Variants in MYO3B observed in about 807,000 individuals in gnomAD.
The protein encoded by MYO3B is myosin-IIIb.
MYO3B carries 156 observed loss-of-function variants against 174.6 expected under a neutral mutation model. That is an observed-to-expected ratio of 0.89 (90% CI 0.78 to 1.02). The LOEUF (loss-of-function observed/expected upper bound fraction) is 1.02, where lower values mean the gene tolerates loss of function less well. Ranked by LOEUF, MYO3B falls within the 50% of genes least tolerant of loss-of-function variation. The pLI is 0.00. For synonymous variants in MYO3B, 563 were observed against 569.1 expected (o/e 0.99, Z 0.15); for missense variants, 1,632 against 1,639.4 (o/e 1.00, Z 0.08).
At chr2:170,196,455 A>G (rs1477185315) in intron 1 of MYO3B, among the ~76,000 whole-genome samples, 2 of 152,188 alleles carry the variant, frequency 1.3e-5, no homozygotes, top group African/African-American at 4.8e-5. Flanking sequence ...GGTTGAGGCT[A>G]CAGGGGGTGG....
intron 28 of MYO3B, 91 bp downstream of exon 28, chr2:170,501,956 A>C (rs1687300672): frequency 2.2e-6 from 2 of 891,960 alleles, no homozygotes. Flanking sequence ...TTAATAATTC[A>C]GGAGCACTGG....
intron 7 of MYO3B, among the ~76,000 whole-genome samples, chr2:170,311,011 C>T (rs1407666912): frequency 6.6e-6 from 1 of 152,028 alleles, no homozygotes; most frequent in East Asian, 1.9e-4. Context: ...GGTTGCGGGG[C>T]CTTAGAATTT....
At chr2:170,639,914 T>C (rs1697833405) in intron 32 of MYO3B, among the ~76,000 whole-genome samples, 1 of 152,188 alleles carries the variant, frequency 6.6e-6, no homozygotes, top group Admixed American at 6.5e-5. Flanking sequence ...TATGTCTACT[T>C]TGGGCTCAAG....
At chr2:170,571,555 G>A (rs777506217) in intron 32 of MYO3B, among the ~76,000 whole-genome samples, 1 of 152,144 alleles carries the variant, frequency 6.6e-6, no homozygotes, top group Non-Finnish European at 1.5e-5. Context: ...AGTAAGCAGA[G>A]GCATGACATG....
chr2:170,283,104 C>T (rs150542169), intron 7 of MYO3B, among the ~76,000 whole-genome samples: 4 of 152,272 alleles, frequency 2.6e-5, no homozygotes, highest in Non-Finnish European at 5.9e-5. Flanking sequence ...CTCTCAAAAT[C>T]GTGCTGTGCT....
chr2:170,553,142 G>A (rs961293671), intron 32 of MYO3B, among the ~76,000 whole-genome samples: 1 of 152,154 alleles, frequency 6.6e-6, no homozygotes, highest in Non-Finnish European at 1.5e-5. Flanking sequence ...GGAGAAATGT[G>A]GGGTTGGAGC....
intron 32 of MYO3B, among the ~76,000 whole-genome samples, chr2:170,613,378 AC>A (rs1197396462): frequency 6.6e-6 from 1 of 152,146 alleles, no homozygotes; most frequent in East Asian, 1.9e-4. Flanking sequence ...TCTGACGCAC[AC>A]CTCAGTCCTT....
intron 25 of MYO3B, among the ~76,000 whole-genome samples, chr2:170,478,259 T>C (rs1335017428): frequency 1.3e-5 from 2 of 151,456 alleles, no homozygotes; most frequent in Non-Finnish European, 2.9e-5. Context: ...GAGAAGTGAG[T>C]GTGGAAATGG....
Position 170,602,016 on chromosome 2 carries a change from A to AT in MYO3B, c.3734-49611dup, listed in dbSNP as rs796277475. 52 of 913,114 alleles carry AT rather than the reference A, an allele frequency of 5.7e-5. No homozygotes were observed. The South Asian group carries it at 6.2e-4, about 11-fold the overall frequency. The allele number at this position is 913,114 out of a possible 1,614,324, so 56.6% of individuals were successfully genotyped here. On this transcript the variant is annotated intron_variant, in intron 32 of 34. Transcript: ENST00000408978. The stretch of plus-strand genomic sequence containing the variant: ...GGATATAGGTTTTCATTTCTCTTTC[A>AT]TAACGGTCTTTGTCCACCTTTGCCA...
Position 170,432,580 on chromosome 2 carries a change from T to A in MYO3B, c.2651-11387T>A, listed in dbSNP as rs954049412. 9.4e-5 allele frequency among the ~76,000 whole-genome samples: 13 copies of A among 138,678 alleles called. No homozygotes were observed. The South Asian group carries it at 1.1e-3, about 12-fold the overall frequency. The allele number at this position is 138,678 out of a possible 152,430, so 91.0% of individuals were successfully genotyped here. On this transcript the variant is annotated intron_variant, in intron 22 of 34. Coordinates refer to ENST00000408978, the MANE Select transcript of MYO3B (RefSeq NM_138995.5). ...AATTTATTATTTAAAAAAAAAGAAA[T>A]TTTTTTTTTTTTTTGAGACGGAGTC... is the stretch of plus-strand genomic sequence containing the variant.
chr2:170,625,199 AC>A (rs1696304237), intron 32 of MYO3B, among the ~76,000 whole-genome samples: 1 of 152,124 alleles, frequency 6.6e-6, no homozygotes, highest in Non-Finnish European at 1.5e-5. Context: ...CTGGTCCTGG[AC>A]TTTTTTTGGT....
At chr2:170,283,692 G>A (rs2093531554) in intron 7 of MYO3B, among the ~76,000 whole-genome samples, 1 of 152,078 alleles carries the variant, frequency 6.6e-6, no homozygotes, top group Non-Finnish European at 1.5e-5. Context: ...TCTCTTCCTA[G>A]ATTGGAAGAT....
chr2:170,443,369 TC>T (rs1346766599), intron 22 of MYO3B, among the ~76,000 whole-genome samples: 1 of 152,200 alleles, frequency 6.6e-6, no homozygotes, highest in African/African-American at 2.4e-5. Flanking sequence ...AAATTTAAGT[TC>T]TTTATAGATT....
Position 170,524,837 on chromosome 2 carries a change from A to G in MYO3B, c.3575+5297A>G, listed in dbSNP as rs145469824. Among the ~76,000 whole-genome samples the G allele has an allele frequency of 5.9e-5, 9 of 152,294 alleles. No homozygotes were observed. The East Asian group carries it at 1.7e-3, about 29-fold the overall frequency. The stretch of plus-strand genomic sequence containing the variant: ...CTGTTCAACCTTATGGGAAAGGTAT[A>G]GATTTTACAATCTCTGACATTGAGA... On this transcript the variant is annotated intron_variant, in intron 30 of 34. Coordinates refer to ENST00000408978, the MANE Select transcript of MYO3B (RefSeq NM_138995.5).
intron 32 of MYO3B, among the ~76,000 whole-genome samples, chr2:170,615,198 T>C (rs1695376361): frequency 6.6e-6 from 1 of 152,168 alleles, no homozygotes; most frequent in African/African-American, 2.4e-5. Context: ...AGACGTATCT[T>C]CCTCCCTCAC....
intron 7 of MYO3B, among the ~76,000 whole-genome samples, chr2:170,276,156 C>T (rs2093462605): frequency 6.6e-6 from 1 of 152,156 alleles, no homozygotes. Context: ...ATCAATTTCC[C>T]ACCTATACCC....
intron 32 of MYO3B, among the ~76,000 whole-genome samples, chr2:170,545,676 T>G (rs989726998): frequency 6.6e-6 from 1 of 152,240 alleles, no homozygotes; most frequent in Non-Finnish European, 1.5e-5. Context: ...ATTAATAAGT[T>G]ACACATCTGA....
intron 32 of MYO3B, among the ~76,000 whole-genome samples, chr2:170,624,252 G>T (rs1359809612): frequency 2.0e-5 from 3 of 152,164 alleles, no homozygotes; most frequent in Admixed American, 6.5e-5. Flanking sequence ...ATTTCGTAGA[G>T]CAGTGGTTTG....
intron 22 of MYO3B, among the ~76,000 whole-genome samples, chr2:170,428,204 T>C (rs545804106): frequency 1.8e-4 from 27 of 152,346 alleles, no homozygotes; most frequent in Non-Finnish European, 3.8e-4. Flanking sequence ...TTGCCTGTGT[T>C]AGCTGTGAAG....
Sources: gnomAD v4.1 joint callset for allele counts (sites outside exome capture counted in the v4.1 genomes callset) on GRCh38, gnomAD v4.1.1 for gene constraint, MANE v1.5 for transcripts, NCBI Gene and HGNC (gene_info 2026-07-23, HGNC 2026-07-21) for gene names.